Variants in NWD1 observed in about 807,000 individuals in gnomAD.
NWD1 encodes the protein NACHT domain- and WD repeat-containing protein 1.
In NWD1, 129 loss-of-function variants were observed where a neutral mutation model predicts 135.1. The ratio of observed to expected loss-of-function variants is 0.96; its 90% CI spans 0.83 to 1.11. The LOEUF is 1.11. Among genes scored for constraint, NWD1 ranks in the 50% least tolerant of loss-of-function variants. The probability of loss-of-function intolerance (pLI) is 0.00; values close to 1 mark genes in which losing one functional copy is unlikely to be tolerated. For missense variants in NWD1, 1,740 were observed against 1,851.3 expected (o/e 0.94, Z 1.10); for synonymous variants, 773 against 786.0 (o/e 0.98, Z 0.28).
At chr19:16,792,876 C>CAAAA (rs1189102088) in intron 14 of NWD1, among the ~76,000 whole-genome samples, 4 of 51,850 alleles carry the variant, frequency 7.7e-5, no homozygotes, top group Non-Finnish European at 1.7e-4. Flanking sequence ...AACTCCATCT[C>CAAAA]AAAAAAAAAA....
intron 15 of NWD1, among the ~76,000 whole-genome samples, chr19:16,796,116 G>A (rs1199944860): frequency 6.6e-6 from 1 of 152,068 alleles, no homozygotes; most frequent in African/African-American, 2.4e-5. Flanking sequence ...CAGGTGGTAG[G>A]TAGTATTGGA....
intron 11 of NWD1, among the ~76,000 whole-genome samples, chr19:16,778,494 C>CTTTT (rs11307621): frequency 1.6e-4 from 17 of 107,568 alleles, no homozygotes; most frequent in Middle Eastern, 4.1e-3. Context: ...TCTTCTTCTT[C>CTTTT]TTTTTTTTTT....
chr19:16,780,824 A>G (rs1969828472), intron 12 of NWD1, among the ~76,000 whole-genome samples: 1 of 151,790 alleles, frequency 6.6e-6, no homozygotes, highest in African/African-American at 2.4e-5. Context: ...CACCTGGCTG[A>G]TTTTTGTATT....
chr19:16,727,008 T>C (rs115901417), intron 2 of NWD1, among the ~76,000 whole-genome samples: 2,213 of 133,264 alleles, frequency 0.017, 54 homozygotes, highest in African/African-American at 0.058. Flanking sequence ...TGGGAGGGGG[T>C]GGGAAGGGCA....
chr19:16,737,964 C>CAAAAGAAAAGAAAAGAAAGAAAA (rs147713373), intron 4 of NWD1, among the ~76,000 whole-genome samples: 1 of 124,536 alleles, frequency 8.0e-6, no homozygotes, highest in Non-Finnish European at 1.7e-5. Flanking sequence ...GACTCTATCT[C>CAAAAGAAAAGAAAAGAAAGAAAA]GAAAAGAAAA....
At chr19:16,723,641 A>G (rs1279492830) in intron 1 of NWD1, among the ~76,000 whole-genome samples, 4 of 152,056 alleles carry the variant, frequency 2.6e-5, no homozygotes, top group Non-Finnish European at 5.9e-5. Flanking sequence ...ATATCCATTC[A>G]TCATAACCTA....
At chr19:16,754,424 C>T (rs988620535) in intron 6 of NWD1, among the ~76,000 whole-genome samples, 2 of 151,006 alleles carry the variant, frequency 1.3e-5, no homozygotes, top group South Asian at 2.1e-4. Flanking sequence ...GTCTATCCGC[C>T]CATCATTTCT....
chr19:16,731,313 T>G, intron 3 of NWD1, 35 bp downstream of exon 3: 1 of 1,331,328 alleles, frequency 7.5e-7, no homozygotes, highest in Non-Finnish European at 1.0e-6. Flanking sequence ...CATGCTTTTT[T>G]TATTTTTTTT....
At chr19:16,766,655 A>T (rs1435946981) in intron 10 of NWD1, among the ~76,000 whole-genome samples, 1 of 151,956 alleles carries the variant, frequency 6.6e-6, no homozygotes, top group Non-Finnish European at 1.5e-5. Flanking sequence ...GCATGATCTC[A>T]GCTCACTGCA....
rs111423166 is a variant in NWD1 at position 16,729,905 on chromosome 19, AGAAGGAAGGAAG to A, written c.-6-1271_-6-1260del. Among the ~76,000 whole-genome samples, 7 of 150,952 alleles carry A rather than the reference AGAAGGAAGGAAG, an allele frequency of 4.6e-5. No homozygotes were observed. In the South Asian group the frequency reaches 1.0e-3, roughly 22 times the overall value. On this transcript the variant is annotated intron_variant, in intron 2 of 18. Transcript: ENST00000524140. The stretch of plus-strand genomic sequence containing the variant: ...AAGAGAAAAGAAAAGAAAGAGAGAG[AGAAGGAAGGAAG>A]GAAGGAAGGAAGGAAAGAAGGAAAA...
chr19:16,797,424 G>T (rs1038424548), intron 15 of NWD1, among the ~76,000 whole-genome samples: 1 of 149,372 alleles, frequency 6.7e-6, no homozygotes, highest in Non-Finnish European at 1.5e-5. Flanking sequence ...TCTGCCTCCT[G>T]GGCTCAAGCA....
chr19:16,741,369 T>G lies in NWD1; in HGVS notation c.199-3052T>G, dbSNP rs1163985125. Among the ~76,000 whole-genome samples the G allele has an allele frequency of 1.8e-3, 101 of 56,416 alleles. 2 individuals are homozygous for G. Among genetic ancestry groups the G allele is most frequent in the Middle Eastern group, 0.016 (1 of 62 alleles). The allele number at this position is 56,416 out of a possible 152,430, so 37.0% of individuals were successfully genotyped here. On this transcript the variant is annotated intron_variant, in intron 4 of 18. Transcript: ENST00000524140. ...TTTTTTGTTTTGTTTTGTTTTTGTGTTTTTTTTTTTTTTTTTGAGACAGTC... is the reference window on the plus strand; with the variant it reads ...TTTTTTGTTTTGTTTTGTTTTTGTGGTTTTTTTTTTTTTTTTGAGACAGTC...
At chr19:16,734,334 G>A (rs955681852) in intron 3 of NWD1, among the ~76,000 whole-genome samples, 8 of 152,018 alleles carry the variant, frequency 5.3e-5, no homozygotes, top group African/African-American at 1.9e-4. Flanking sequence ...AGATCACGAG[G>A]TCAGGAGATT....
intron 12 of NWD1, among the ~76,000 whole-genome samples, chr19:16,786,303 C>T (rs1568379717): frequency 6.6e-6 from 1 of 151,998 alleles, no homozygotes; most frequent in Non-Finnish European, 1.5e-5. Flanking sequence ...CCACCTGGCC[C>T]AGTCATATCC....
chr19:16,804,416 G>C (rs1305860809), intron 17 of NWD1, among the ~76,000 whole-genome samples: 6 of 151,864 alleles, frequency 4.0e-5, no homozygotes, highest in Non-Finnish European at 8.8e-5. Flanking sequence ...GCAACATAGT[G>C]AGACCCCACC....
chr19:16,759,557 A>C, intron 7 of NWD1, 129 bp downstream of exon 7: 1 of 683,070 alleles, frequency 1.5e-6, no homozygotes, highest in Admixed American at 2.6e-5. Context: ...TCCAGTTAGA[A>C]CTCTGACACA....
chr19:16,755,495 T>A (rs1159167824), intron 6 of NWD1, among the ~76,000 whole-genome samples: 1 of 152,144 alleles, frequency 6.6e-6, no homozygotes, highest in African/African-American at 2.4e-5. Context: ...TTCAAATGAT[T>A]CTCATGTCTC....
intron 10 of NWD1, among the ~76,000 whole-genome samples, chr19:16,767,167 C>CTTT (rs56324724): frequency 4.5e-5 from 3 of 67,024 alleles, no homozygotes; most frequent in Admixed American, 2.1e-4. Flanking sequence ...AGAGGTGCGT[C>CTTT]TTTTTTTTTT....
intron 14 of NWD1, among the ~76,000 whole-genome samples, chr19:16,793,542 C>CTT (rs535575082): frequency 1.4e-3 from 204 of 144,874 alleles, no homozygotes; most frequent in African/African-American, 4.8e-3. Flanking sequence ...TGTTTTTTAC[C>CTT]TTTTTTTTTT....
Sources: gnomAD v4.1 joint callset for allele counts (sites outside exome capture counted in the v4.1 genomes callset) on GRCh38, gnomAD v4.1.1 for gene constraint, MANE v1.5 for transcripts, NCBI Gene and HGNC (gene_info 2026-07-23, HGNC 2026-07-21) for gene names.